The following PLEKHA5 variants were observed in gnomAD, a reference collection of about 807,000 sequenced individuals.
PLEKHA5 encodes the protein pleckstrin homology domain containing A5, also known as pleckstrin homology domain-containing family A member 5.
Under a neutral mutation model 181.9 loss-of-function variants are expected in PLEKHA5, and 55 were observed. That is an observed-to-expected ratio of 0.30 (90% CI 0.24 to 0.38). The LOEUF (loss-of-function observed/expected upper bound fraction) is 0.38. PLEKHA5 is among the 10% of genes least tolerant of loss of function. The pLI is 1.00. For synonymous variants in PLEKHA5, 535 were observed against 529.4 expected (o/e 1.01, Z -0.15); for missense variants, 1,432 against 1,549.5 (o/e 0.92, Z 1.27).
intron 3 of PLEKHA5, among the ~76,000 whole-genome samples, chr12:19,185,011 T>G (rs891775718): frequency 1.3e-5 from 2 of 152,178 alleles, no homozygotes; most frequent in African/African-American, 4.8e-5. Flanking sequence ...TGTATTTGAT[T>G]AAGGTATCAG....
At chr12:19,301,599 C>T (rs1228684857) in intron 15 of PLEKHA5, among the ~76,000 whole-genome samples, 5 of 152,062 alleles carry the variant, frequency 3.3e-5, no homozygotes, top group Non-Finnish European at 5.9e-5. Flanking sequence ...TCAAATATAC[C>T]ACAAGGACAT....
intron 3 of PLEKHA5, among the ~76,000 whole-genome samples, chr12:19,196,298 G>C (rs946249137): frequency 6.6e-6 from 1 of 152,054 alleles, no homozygotes; most frequent in African/African-American, 2.4e-5. Flanking sequence ...CAATTTAATA[G>C]TAGATTTTTC....
chr12:19,249,803 A>G (rs149207962), intron 3 of PLEKHA5, among the ~76,000 whole-genome samples: 3 of 152,278 alleles, frequency 2.0e-5, no homozygotes, highest in African/African-American at 7.2e-5. Context: ...GATTTCAGAA[A>G]CTGTGCTCTC....
intron 15 of PLEKHA5, among the ~76,000 whole-genome samples, chr12:19,292,156 A>G (rs1354805566): frequency 1.3e-5 from 2 of 152,248 alleles, no homozygotes; most frequent in Non-Finnish European, 2.9e-5. Context: ...CTGTAATCCC[A>G]GCACTTTGGG....
At chr12:19,184,942 T>C (rs193056306) in intron 3 of PLEKHA5, among the ~76,000 whole-genome samples, 1 of 152,286 alleles carries the variant, frequency 6.6e-6, no homozygotes, top group African/African-American at 2.4e-5. Flanking sequence ...GAAGTGATTG[T>C]TATATAGTCG....
intron 28 of PLEKHA5, 119 bp from the exon 29 acceptor site, chr12:19,361,463 G>T: frequency 1.6e-6 from 1 of 611,906 alleles, no homozygotes. Flanking sequence ...GATTACAGGC[G>T]TGAGCCATCA....
At chr12:19,336,652 T>G in intron 21 of PLEKHA5, 36 bp downstream of exon 21, 1 of 1,145,220 alleles carries the variant, frequency 8.7e-7, no homozygotes, top group Non-Finnish European at 1.3e-6. Context: ...TTGTTTTAAC[T>G]GTTTTTACTG....
chr12:19,318,647 G>C (rs1592470201), intron 16 of PLEKHA5, among the ~76,000 whole-genome samples: 2 of 152,174 alleles, frequency 1.3e-5, no homozygotes, highest in Admixed American at 6.5e-5. Flanking sequence ...CTACGGCTGG[G>C]CGTGGTGGCT....
chr12:19,265,074 T>C (rs2069868525), intron 7 of PLEKHA5, among the ~76,000 whole-genome samples: 1 of 152,188 alleles, frequency 6.6e-6, no homozygotes, highest in Non-Finnish European at 1.5e-5. Flanking sequence ...ATCAGAATGA[T>C]TAGTAAAAAG....
intron 8 of PLEKHA5, among the ~76,000 whole-genome samples, chr12:19,267,126 G>T (rs1328157066): frequency 6.6e-6 from 1 of 152,016 alleles, no homozygotes; most frequent in Non-Finnish European, 1.5e-5. Context: ...TGCATTCTTT[G>T]CTTTATGATT....
chr12:19,174,188 G>C (rs12308778), intron 3 of PLEKHA5, among the ~76,000 whole-genome samples: 5,692 of 152,156 alleles, frequency 0.037, 347 homozygotes, highest in African/African-American at 0.13. Flanking sequence ...CAATGTAAAT[G>C]CCTGTAAGGG....
chr12:19,168,353 T>C (rs1320922820), intron 3 of PLEKHA5, among the ~76,000 whole-genome samples: 1 of 152,226 alleles, frequency 6.6e-6, no homozygotes, highest in Non-Finnish European at 1.5e-5. Flanking sequence ...TAGACTATTC[T>C]AATACAAAAT....
chr12:19,292,861 C>T (rs2078823840), intron 15 of PLEKHA5, among the ~76,000 whole-genome samples: 3 of 152,096 alleles, frequency 2.0e-5, no homozygotes, highest in African/African-American at 7.2e-5. Context: ...ATCACTTGAG[C>T]CCTGGAGGCA....
chr12:19,260,658 C>A (rs2068205343), intron 6 of PLEKHA5, among the ~76,000 whole-genome samples: 1 of 151,944 alleles, frequency 6.6e-6, no homozygotes, highest in Non-Finnish European at 1.5e-5. Flanking sequence ...GAGTTAGAGA[C>A]CAGCCTGACC....
intron 3 of PLEKHA5, among the ~76,000 whole-genome samples, chr12:19,164,572 G>A (rs2043831161): frequency 6.6e-6 from 1 of 151,872 alleles, no homozygotes; most frequent in African/African-American, 2.4e-5. Context: ...TTCTTTCTTG[G>A]CACTATTGCC....
rs1469735087 is a variant in PLEKHA5, at chr12:19,197,712, GTGTGTGTGTGTGTGTGTGTGTT to G, written c.228-56226_228-56205del. 1.0e-3 allele frequency among the ~76,000 whole-genome samples: 153 copies of G among 149,580 alleles called. 1 individual carries two copies. The highest frequency in any genetic ancestry group is 1.9e-3 in the Admixed American group (28 of 15,032). On this transcript the variant is annotated intron_variant, in intron 3 of 31. Coordinates refer to ENST00000429027, the MANE Select transcript of PLEKHA5 (RefSeq NM_001256470.2). ...TGTGTGTGTGTGTGTGTGTGTGTGT[GTGTGTGTGTGTGTGTGTGTGTT>G]TAAGTCGCCTCGTTCACTTCCAAGG...
chr12:19,207,688 T>C (rs889829614), intron 3 of PLEKHA5: 3 of 152,158 alleles, frequency 2.0e-5, no homozygotes, highest in African/African-American at 7.2e-5. Context: ...TGGAACTTAA[T>C]TTTTTCTGGC....
intron 2 of PLEKHA5, 28 bp from the exon 3 acceptor site, chr12:19,132,365 A>G (rs745389193): frequency 1.8e-6 from 2 of 1,121,068 alleles, no homozygotes; most frequent in East Asian, 2.4e-5. Context: ...TTGAAGTAAT[A>G]CTAATTGTAA....
chr12:19,295,259 G>C (rs1357099465), intron 15 of PLEKHA5, among the ~76,000 whole-genome samples: 1 of 152,114 alleles, frequency 6.6e-6, no homozygotes, highest in Non-Finnish European at 1.5e-5. Flanking sequence ...AGACACTTTT[G>C]GTTACAGTTT....
Sources: gnomAD v4.1 joint callset for allele counts (sites outside exome capture counted in the v4.1 genomes callset) on GRCh38, gnomAD v4.1.1 for gene constraint, MANE v1.5 for transcripts, NCBI Gene and HGNC (gene_info 2026-07-23, HGNC 2026-07-21) for gene names.